The following LRRIQ1 variants were observed in gnomAD, a reference collection of about 807,000 sequenced individuals.
LRRIQ1 encodes leucine rich repeats and IQ motif containing 1, also known as leucine-rich repeat- and IQ domain-containing protein 1.
LRRIQ1 carries 210 observed loss-of-function variants against 211.9 expected under a neutral mutation model. The observed-to-expected ratio is 0.99, with a 90% CI of 0.89 to 1.11. LRRIQ1 has a LOEUF of 1.11. LRRIQ1 is among the 50% of genes most tolerant of loss of function. The probability of loss-of-function intolerance (pLI) is 0.00; values close to 1 mark genes in which losing one functional copy is unlikely to be tolerated. For synonymous variants in LRRIQ1, 699 were observed against 650.1 expected (o/e 1.08, Z -1.14); for missense variants, 2,136 against 1,939.5 (o/e 1.10, Z -1.90).
rs893610793 is a variant in LRRIQ1, at chr12:85,261,974, G to C, written c.122-941G>C. ...CCCGGCTAATTTTGTGTTTTTGATA[G>C]AGACAGGGTTTCGCCATGTTGGTCA... On this transcript the variant is annotated intron_variant, in intron 1 of 1. Transcript: ENST00000602731. Among the ~76,000 whole-genome samples, 4 of 151,762 alleles carry C rather than the reference G, an allele frequency of 2.6e-5. No homozygotes were observed. In the East Asian group the frequency reaches 7.7e-4, roughly 29 times the overall value.
At chr12:85,126,792 C>G (rs891708964) in intron 17 of LRRIQ1, among the ~76,000 whole-genome samples, 5 of 151,550 alleles carry the variant, frequency 3.3e-5, no homozygotes, top group South Asian at 2.1e-4. Context: ...AAAATGGCTT[C>G]ATAATTCCTT....
chr12:85,176,152 T>A (rs1157703244), intron 24 of LRRIQ1, among the ~76,000 whole-genome samples: 3 of 152,170 alleles, frequency 2.0e-5, no homozygotes, highest in Non-Finnish European at 4.4e-5. Flanking sequence ...GGAATGTTCT[T>A]CCCTTTGTTT....
chr12:85,105,997 T>A (rs1253323528), intron 14 of LRRIQ1, among the ~76,000 whole-genome samples: 1 of 152,050 alleles, frequency 6.6e-6, no homozygotes, highest in Non-Finnish European at 1.5e-5. Context: ...GATTTCTCCA[T>A]GTTGGTCAGG....
intron 8 of LRRIQ1, among the ~76,000 whole-genome samples, chr12:85,061,448 C>T (rs1055069286): frequency 9.2e-5 from 14 of 151,620 alleles, no homozygotes; most frequent in Non-Finnish European, 1.0e-4. Context: ...GGAAGCTCCT[C>T]ATATTCAAAA....
At chr12:85,219,988 G>T (rs1386513733) in intron 24 of LRRIQ1, among the ~76,000 whole-genome samples, 1 of 152,018 alleles carries the variant, frequency 6.6e-6, no homozygotes, top group Non-Finnish European at 1.5e-5. Flanking sequence ...TCCATTTTTA[G>T]TTGTGCTTTA....
At chr12:85,075,049 A>C (rs1421295095) in intron 11 of LRRIQ1, among the ~76,000 whole-genome samples, 2 of 152,172 alleles carry the variant, frequency 1.3e-5, no homozygotes. Context: ...AAATACAATT[A>C]AGTGTTATAC....
At chr12:85,171,417 A>T in intron 24 of LRRIQ1, among the ~76,000 whole-genome samples, 1 of 152,226 alleles carries the variant, frequency 6.6e-6, no homozygotes. Context: ...ATTAATGTGC[A>T]TAAAGAAAAT....
At chr12:85,190,723 A>C (rs753265456) in intron 24 of LRRIQ1, among the ~76,000 whole-genome samples, 1 of 151,870 alleles carries the variant, frequency 6.6e-6, no homozygotes, top group Non-Finnish European at 1.5e-5. Flanking sequence ...TTTAAATGGA[A>C]ATAATAATGT....
intron 15 of LRRIQ1, among the ~76,000 whole-genome samples, chr12:85,106,938 A>G (rs1886825523): frequency 2.0e-5 from 3 of 152,058 alleles, no homozygotes; most frequent in Admixed American, 6.6e-5. Context: ...TTTTTTGCCA[A>G]TAATATAATT....
At position 85,047,304 on chromosome 12, in the gene LRRIQ1, T is replaced by C; in HGVS notation, c.512T>C (p.Phe171Ser). Residue 171 changes from phenylalanine (F) to serine (S), a missense_variant, in exon 6 of 27, where the codon TTT becomes TCT. Transcript: ENST00000393217. Reference sequence around the variant, plus strand: ...GTGGAAGAAAAATGTAGACAGTCTTTTGAGGCTTGGCAAGAGAAACAGAAG... The same window carrying C: ...GTGGAAGAAAAATGTAGACAGTCTTCTGAGGCTTGGCAAGAGAAACAGAAG... ...CEVEEKCRQS[F>S]EAWQEKQKEL... is the part of the protein sequence containing the mutation. 1 of 1,612,414 alleles carries C rather than the reference T, an allele frequency of 6.2e-7. No homozygotes were observed. Among genetic ancestry groups the C allele is most frequent in the Non-Finnish European group, 8.5e-7 (1 of 1,179,484 alleles).
chr12:85,253,615 AG>A (rs2058698352), intron 1 of LRRIQ1, among the ~76,000 whole-genome samples: 2 of 152,048 alleles, frequency 1.3e-5, no homozygotes, highest in Non-Finnish European at 2.9e-5. Flanking sequence ...CATGTTACCA[AG>A]TTTCTTACTT....
chr12:85,103,955 A>T, intron 13 of LRRIQ1, 49 bp from the exon 14 acceptor site: 1 of 1,077,762 alleles, frequency 9.3e-7, no homozygotes, highest in Non-Finnish European at 1.4e-6. Context: ...GGTAACATTA[A>T]GGACTTTCCA....
At chr12:85,036,887 C>G (rs903883767) in intron 1 of LRRIQ1, among the ~76,000 whole-genome samples, 2 of 151,952 alleles carry the variant, frequency 1.3e-5, no homozygotes, top group African/African-American at 4.8e-5. Context: ...GATTCGTTAT[C>G]AACTTAGAGC....
At chr12:85,257,184 T>TTATATATTA (rs370667871) in intron 1 of LRRIQ1, among the ~76,000 whole-genome samples, 1 of 49,310 alleles carries the variant, frequency 2.0e-5, no homozygotes, top group Non-Finnish European at 3.3e-5. Context: ...TATGTATTAA[T>TTATATATTA]TATATATTAT....
chr12:85,037,173 C>CTTGA (rs56897633), intron 1 of LRRIQ1, among the ~76,000 whole-genome samples: 33,202 of 151,910 alleles, frequency 0.22, 4,258 homozygotes, highest in Admixed American at 0.3. Context: ...ATTAATTGCA[C>CTTGA]TTCTCTTTTG....
intron 24 of LRRIQ1, among the ~76,000 whole-genome samples, chr12:85,176,407 C>T: frequency 6.6e-6 from 1 of 151,756 alleles, no homozygotes; most frequent in East Asian, 1.9e-4. Context: ...GAATACTATG[C>T]AGCCATAAAA....
intron 26 of LRRIQ1, among the ~76,000 whole-genome samples, chr12:85,234,509 G>A (rs965773905): frequency 1.3e-5 from 2 of 151,934 alleles, no homozygotes; most frequent in African/African-American, 4.8e-5. Context: ...TTTTTTAATT[G>A]AGTGGATGCA....
intron 11 of LRRIQ1, among the ~76,000 whole-genome samples, chr12:85,079,191 C>T (rs1187210846): frequency 6.7e-6 from 1 of 149,778 alleles, no homozygotes; most frequent in Admixed American, 6.7e-5. Flanking sequence ...TGGGAGGTCT[C>T]TGGACCACAC....
At chr12:85,134,156 C>A (rs1204361023) in intron 18 of LRRIQ1, among the ~76,000 whole-genome samples, 1 of 152,126 alleles carries the variant, frequency 6.6e-6, no homozygotes, top group African/African-American at 2.4e-5. Context: ...TCTTGCTCTA[C>A]TGAGCTTAAG....
Sources: gnomAD v4.1 joint callset for allele counts (sites outside exome capture counted in the v4.1 genomes callset) on GRCh38, gnomAD v4.1.1 for gene constraint, MANE v1.5 for transcripts, NCBI Gene and HGNC (gene_info 2026-07-23, HGNC 2026-07-21) for gene names.